Variants in PPP5C observed in about 807,000 individuals in gnomAD.
The protein encoded by PPP5C is protein phosphatase 5 catalytic subunit.
In PPP5C, 21 loss-of-function variants were observed where a neutral mutation model predicts 66.7. That is an observed-to-expected ratio of 0.31 (90% CI 0.22 to 0.45). PPP5C has a LOEUF of 0.45. Among genes scored for constraint, PPP5C ranks in the 20% least tolerant of loss-of-function variants. The pLI is 1.00. For missense variants in PPP5C, 464 were observed against 675.9 expected (o/e 0.69, Z 3.48); for synonymous variants, 246 against 257.4 (o/e 0.96, Z 0.43).
At position 46,383,305 on chromosome 19, in the gene PPP5C, C is replaced by T. The variant is rs757078066; in HGVS notation, c.634-106C>T. The T allele has an allele frequency of 3.7e-5, 57 of 1,554,454 alleles. No individual in the cohort carries two copies. The highest frequency in any genetic ancestry group is 4.8e-5 in the Non-Finnish European group (55 of 1,149,152). On this transcript the variant is annotated intron_variant, in intron 4 of 12. Coordinates refer to ENST00000012443, the MANE Select transcript of PPP5C (RefSeq NM_006247.4). The surrounding 1 kb of genome is among the most constrained non-coding windows in gnomAD (Gnocchi z 5.0). ...CCCTTTTTCTTCTCTCCCTGCTTCT[C>T]CCTCGCCCTCAGCCCAGCAGCGTCT...
At chr19:46,357,713 C>T (rs559429828) in intron 2 of PPP5C, among the ~76,000 whole-genome samples, 20 of 152,284 alleles carry the variant, frequency 1.3e-4, no homozygotes, top group Middle Eastern at 3.4e-3. Context: ...AACACATTTA[C>T]CAGCTTATTA....
In PPP5C at chr19:46,350,530, A is replaced by T. The variant is rs548467062; in HGVS notation, c.122-3218A>T. 8.1e-4 allele frequency among the ~76,000 whole-genome samples: 124 copies of T among 152,234 alleles called. No homozygotes were observed. In the South Asian group the frequency reaches 0.025, roughly 31 times the overall value. On this transcript the variant is annotated intron_variant, in intron 1 of 12. Coordinates refer to ENST00000012443, the MANE Select transcript of PPP5C (RefSeq NM_006247.4). ...CTGGCACTGAGCTGGCACGGAGGAG[A>T]ACGGCCCTGCTGGCCCAGGCCCCTT...
At chr19:46,380,567 T>C (rs553354737) in intron 4 of PPP5C, among the ~76,000 whole-genome samples, 212 of 152,360 alleles carry the variant, frequency 1.4e-3, no homozygotes, top group African/African-American at 4.8e-3. Context: ...CCCTTCTGCC[T>C]GAGTACTTTT....
intron 2 of PPP5C, among the ~76,000 whole-genome samples, chr19:46,355,084 A>G (rs910205122): frequency 2.0e-5 from 3 of 152,224 alleles, no homozygotes; most frequent in African/African-American, 7.2e-5. Context: ...CTAAGGGGTG[A>G]AGTCACCTGC....
chr19:46,354,035 A>T lies in PPP5C; in HGVS notation c.363+46A>T. ...GGCCTGGCACCTGAGCCAGGCAGAT[A>T]CTGAGGGCTGGGCTGGCGGGGACGG... On this transcript the variant is annotated intron_variant, in intron 2 of 12. Coordinates refer to ENST00000012443, the MANE Select transcript of PPP5C (RefSeq NM_006247.4). 1.9e-6 allele frequency: 3 copies of T among 1,598,688 alleles called. No homozygotes were observed. In the South Asian group the frequency reaches 3.4e-5, roughly 18 times the overall value.
In PPP5C at chr19:46,383,541, A is replaced by G. The variant is rs1972831465; in HGVS notation, c.699+65A>G. ...TGGGCTCTCTGGCTGGGGAGGGGCC[A>G]CAGAGCTCAGGAACTCACGGATCCA... On this transcript the variant is annotated intron_variant, in intron 5 of 12. Transcript: ENST00000012443. The surrounding 1 kb of genome is among the most constrained non-coding windows in gnomAD (Gnocchi z 5.0). 6.1e-6 allele frequency: 9 copies of G among 1,471,016 alleles called. No individual in the cohort carries two copies. Among genetic ancestry groups the G allele is most frequent in the African/African-American group, 1.4e-5 (1 of 71,610 alleles). The allele number at this position is 1,471,016 out of a possible 1,614,324, so 91.1% of individuals were successfully genotyped here.
intron 1 of PPP5C, among the ~76,000 whole-genome samples, chr19:46,349,206 A>G (rs1169000909): frequency 6.6e-6 from 1 of 152,040 alleles, no homozygotes; most frequent in East Asian, 1.9e-4. Flanking sequence ...AGGCAGGAGA[A>G]TTGCTTGATC....
At chr19:46,348,455 A>G (rs1008568620) in intron 1 of PPP5C, among the ~76,000 whole-genome samples, 25 of 151,906 alleles carry the variant, frequency 1.6e-4, no homozygotes, top group African/African-American at 6.0e-4. Flanking sequence ...CTGGGATTAT[A>G]GACGCACACC....
intron 4 of PPP5C, among the ~76,000 whole-genome samples, chr19:46,379,463 C>G (rs1972753085): frequency 6.6e-6 from 1 of 152,238 alleles, no homozygotes; most frequent in Non-Finnish European, 1.5e-5. Flanking sequence ...GCTGGAATTA[C>G]AGGTGTCAGC....
At chr19:46,349,322 G>A (rs948505794) in intron 1 of PPP5C, among the ~76,000 whole-genome samples, 62 of 152,064 alleles carry the variant, frequency 4.1e-4, no homozygotes, top group Middle Eastern at 3.2e-3. Flanking sequence ...GCAGTGTCAG[G>A]GAAAGATGGA....
In PPP5C at chr19:46,353,799, A is replaced by C; in HGVS notation, c.173A>C (p.Asn58Thr). 6.2e-7 allele frequency: 1 copy of C among 1,614,048 alleles called. No homozygotes were observed. The highest frequency in any genetic ancestry group is 1.1e-5 in the South Asian group (1 of 91,064). Residue 58 changes from asparagine to threonine, a missense_variant, in exon 2 of 13, where the codon AAC (asparagine) becomes ACC (threonine). By Grantham distance (65) the Asn-to-Thr change is moderately conservative. Coordinates refer to ENST00000012443, the MANE Select transcript of PPP5C (RefSeq NM_006247.4). Reference protein sequence around the residue: ...IKFYSQAIELNPSNAIYYGNR... With the variant: ...IKFYSQAIELTPSNAIYYGNR... ...TTCTACAGCCAGGCCATCGAGCTGA[A>C]CCCCAGCAATGCCATCTACTATGGC...
rs1568578184 is a variant in PPP5C, at chr19:46,387,142, G to A, written c.954G>A (p.Glu318=). The change falls in exon 8 of 13, where the codon GAG becomes GAA. Residue 318 remains glutamate (E), a synonymous_variant. Transcript: ENST00000012443. ...ACCAGATCTACGGTTTCGAGGGTGA[G>A]GTGAAGGCCAAGTACACAGCCCAGA... ...NMNQIYGFEG[E]VKAKYTAQMY... 2 of 1,614,118 alleles carry A rather than the reference G, an allele frequency of 1.2e-6. No homozygotes were observed. The highest frequency in any genetic ancestry group is 1.7e-6 in the Non-Finnish European group (2 of 1,180,052).
intron 2 of PPP5C, among the ~76,000 whole-genome samples, chr19:46,373,456 CA>C (rs1411141569): frequency 1.3e-5 from 2 of 152,220 alleles, no homozygotes; most frequent in Non-Finnish European, 2.9e-5. Flanking sequence ...CAATATTAGG[CA>C]CATAGTAAGT....
chr19:46,353,412 A>G (rs1972225871), intron 1 of PPP5C, among the ~76,000 whole-genome samples: 1 of 151,024 alleles, frequency 6.6e-6, no homozygotes. Flanking sequence ...CTCAGCTCTC[A>G]CTGGCCCTCA....
intron 4 of PPP5C, chr19:46,382,886 A>T: frequency 9.4e-7 from 1 of 1,068,814 alleles, no homozygotes; most frequent in Non-Finnish European, 1.1e-6. Context: ...AAAATAAATC[A>T]TCTGCATTTC....
At chr19:46,378,785 A>G (rs1259929707) in intron 4 of PPP5C, among the ~76,000 whole-genome samples, 1 of 151,866 alleles carries the variant, frequency 6.6e-6, no homozygotes, top group East Asian at 1.9e-4. Context: ...TAACTTTTCT[A>G]CCCTTTTGTA....
At chr19:46,373,049 C>T (rs1021814588) in intron 2 of PPP5C, among the ~76,000 whole-genome samples, 8 of 152,258 alleles carry the variant, frequency 5.3e-5, no homozygotes, top group African/African-American at 1.9e-4. Context: ...GGGGTGCTGG[C>T]ACCACCCCTA....
intron 2 of PPP5C, among the ~76,000 whole-genome samples, chr19:46,373,025 C>T (rs1242089542): frequency 5.3e-5 from 8 of 152,264 alleles, no homozygotes; most frequent in Non-Finnish European, 1.0e-4. Context: ...TAAGTTCTCA[C>T]GACAATCCTC....
Position 46,355,228 on chromosome 19 carries a change from G to A in PPP5C, c.363+1239G>A, listed in dbSNP as rs1256400247. 2.0e-5 allele frequency among the ~76,000 whole-genome samples: 3 copies of A among 152,216 alleles called. No individual in the cohort carries two copies. In the East Asian group the frequency reaches 5.8e-4, roughly 29 times the overall value. ...TGCGCTTGTCCTGCGCATGGGGATG[G>A]TGCAGCAGGGGGCTTGGTCAGTGTG... On this transcript the variant is annotated intron_variant, in intron 2 of 12. Transcript: ENST00000012443.
Sources: allele counts gnomAD v4.1 joint callset (sites outside exome capture counted in the v4.1 genomes callset), GRCh38; gene constraint gnomAD v4.1.1; non-coding constraint Gnocchi (gnomAD v3.1); transcripts MANE v1.5; gene names NCBI Gene and HGNC (gene_info 2026-07-23, HGNC 2026-07-21).